Variants in CAPN2 observed in about 807,000 individuals in gnomAD.
CAPN2 encodes the protein calpain-2 catalytic subunit.
CAPN2 carries 92 observed loss-of-function variants against 102.3 expected under a neutral mutation model. The ratio of observed to expected loss-of-function variants is 0.90; its 90% CI spans 0.76 to 1.07. The LOEUF (loss-of-function observed/expected upper bound fraction) is 1.07. Ranked by LOEUF, CAPN2 falls within the 50% of genes least tolerant of loss-of-function variation. CAPN2 has a pLI of 0.00. For missense variants in CAPN2, 800 were observed against 909.4 expected (o/e 0.88, Z 1.55); for synonymous variants, 340 against 355.4 (o/e 0.96, Z 0.49).
intron 1 of CAPN2, among the ~76,000 whole-genome samples, chr1:223,706,218 G>A (rs985305329): frequency 1.3e-5 from 2 of 152,078 alleles, no homozygotes; most frequent in Non-Finnish European, 2.9e-5. Context: ...CTGTCAGCAC[G>A]TCCCATCTTT....
Position 223,702,105 on chromosome 1 carries a change from A to AAGGAAGGAAGGAAGGAAG in CAPN2, c.3+274_3+275insAGGAAGGAAGGAAGGAAG, listed in dbSNP as rs1553343526. On this transcript the variant is annotated intron_variant, in intron 1 of 20. Coordinates refer to the CAPN2 transcript ENST00000433674. ...AGGGAGGGAGGGAGGAAAGAAGGAA[A>AAGGAAGGAAGGAAGGAAG]GAAGGAAGGAAGGAAGGAAGGAAGG... 4.6e-4 allele frequency among the ~76,000 whole-genome samples: 39 copies of AAGGAAGGAAGGAAGGAAG among 84,602 alleles called. No individual in the cohort carries two copies. In the East Asian group the frequency reaches 4.7e-3, roughly 10 times the overall value. The allele number at this position is 84,602 out of a possible 152,430, so 55.5% of individuals were successfully genotyped here.
intron 3 of CAPN2, 46 bp downstream of exon 3, chr1:223,744,264 G>T (rs1415742671): frequency 1.7e-6 from 2 of 1,203,618 alleles, no homozygotes; most frequent in Non-Finnish European, 1.2e-6. Context: ...GGTCCAGGGG[G>T]CTAGGAACAG....
At chr1:223,706,062 G>A (rs906005994) in intron 1 of CAPN2, among the ~76,000 whole-genome samples, 82 of 152,346 alleles carry the variant, frequency 5.4e-4, no homozygotes, top group African/African-American at 2.0e-3. Context: ...TAGCACTGGT[G>A]GGTGAGGGGC....
chr1:223,749,144 C>T, intron 6 of CAPN2, 22 bp downstream of exon 6: 1 of 1,603,910 alleles, frequency 6.2e-7, no homozygotes, highest in Non-Finnish European at 8.5e-7. Context: ...CGCGGATGTG[C>T]AGGGGTCCTG....
In CAPN2 at chr1:223,759,184, A is replaced by G; in HGVS notation, c.1318-86A>G. 7.7e-7 allele frequency: 1 copy of G among 1,292,338 alleles called. No individual in the cohort carries two copies. Among genetic ancestry groups the G allele is most frequent in the Non-Finnish European group, 1.1e-6 (1 of 897,370 alleles). 80.1% of individuals were successfully genotyped at this position (1,292,338 alleles called of 1,614,324 possible). A position where few individuals can be genotyped will look rare whatever the true frequency, so the allele number is the denominator to read the frequency against. On this transcript the variant is annotated intron_variant, in intron 11 of 20. Coordinates refer to ENST00000295006, the MANE Select transcript of CAPN2 (RefSeq NM_001748.5). The surrounding 1 kb of genome is among the most constrained non-coding windows in gnomAD (Gnocchi z 4.6). Reference sequence around the variant, plus strand: ...GCAGGACTGAGCCACCACACTACCCAACTGCTTTTATCTCAGTGAATGAAA... The same window carrying G: ...GCAGGACTGAGCCACCACACTACCCGACTGCTTTTATCTCAGTGAATGAAA...
intron 4 of CAPN2, among the ~76,000 whole-genome samples, chr1:223,746,700 G>A (rs905128325): frequency 6.6e-6 from 1 of 152,028 alleles, no homozygotes; most frequent in Admixed American, 6.6e-5. Flanking sequence ...GGCTGGTCTT[G>A]AACTCCTGAC....
intron 7 of CAPN2, among the ~76,000 whole-genome samples, chr1:223,751,361 C>G (rs888066245): frequency 6.6e-6 from 1 of 152,234 alleles, no homozygotes; most frequent in Non-Finnish European, 1.5e-5. Flanking sequence ...AAACATCCCT[C>G]TGTTGATTTC....
At chr1:223,772,623 AT>A (rs1199543895) in intron 20 of CAPN2, 2 of 210,792 alleles carry the variant, frequency 9.5e-6, no homozygotes, top group Non-Finnish European at 1.9e-5. Flanking sequence ...AAGATCCATC[AT>A]TCTTAGAGTG....
intron 2 of CAPN2, among the ~76,000 whole-genome samples, chr1:223,732,786 AG>A (rs1660366639): frequency 6.6e-6 from 1 of 152,126 alleles, no homozygotes; most frequent in Non-Finnish European, 1.5e-5. Context: ...TTTCTTCTAC[AG>A]GTGGGGACGT....
At position 223,759,539 on chromosome 1, in the gene CAPN2, T is replaced by C; in HGVS notation, c.1529+58T>C. On this transcript the variant is annotated intron_variant, in intron 12 of 20. Transcript: ENST00000295006. The surrounding 1 kb of genome is among the most constrained non-coding windows in gnomAD (Gnocchi z 4.6). Reference sequence around the variant, plus strand: ...TTCCCTGTCCCTCCCCACTGGTCTGTTCCTCGGCCCCTAGAGGGCTCTTTC... The same window carrying C: ...TTCCCTGTCCCTCCCCACTGGTCTGCTCCTCGGCCCCTAGAGGGCTCTTTC... The C allele has an allele frequency of 6.9e-7, 1 of 1,459,566 alleles. No homozygotes were observed. Among genetic ancestry groups the C allele is most frequent in the Non-Finnish European group, 9.5e-7 (1 of 1,048,220 alleles). 90.4% of individuals were successfully genotyped at this position (1,459,566 alleles called of 1,614,324 possible).
At chr1:223,741,635 AAT>A (rs1487228654) in intron 2 of CAPN2, among the ~76,000 whole-genome samples, 2 of 151,728 alleles carry the variant, frequency 1.3e-5, no homozygotes, top group Non-Finnish European at 2.9e-5. Flanking sequence ...TTGTATTTTT[AAT>A]AGAGACGGGA....
chr1:223,725,332 A>G lies in CAPN2; in HGVS notation c.307+7501A>G, dbSNP rs1177532318. 1.3e-5 allele frequency among the ~76,000 whole-genome samples: 2 copies of G among 151,982 alleles called. No individual in the cohort carries two copies. The highest frequency in any genetic ancestry group is 3.2e-3 in the Middle Eastern group (1 of 316). ...TGAGAGGTGGAGGTTGCAGTGAGCC[A>G]TGATCGCACCACTGCACTCCATCCT... is the stretch of plus-strand genomic sequence containing the variant. On this transcript the variant is annotated intron_variant, in intron 2 of 20. Coordinates refer to ENST00000295006, the MANE Select transcript of CAPN2 (RefSeq NM_001748.5). The surrounding 1 kb of genome is among the most constrained non-coding windows in gnomAD (Gnocchi z 4.1).
chr1:223,773,697 TA>T (rs199738676), intron 20 of CAPN2, among the ~76,000 whole-genome samples: 7 of 147,496 alleles, frequency 4.7e-5, no homozygotes, highest in Non-Finnish European at 3.0e-5. Flanking sequence ...AAACTGCATC[TA>T]AAAAAAAAAT....
chr1:223,772,338 A>G, intron 20 of CAPN2, 99 bp downstream of exon 20: 3 of 1,049,890 alleles, frequency 2.9e-6, no homozygotes, highest in Non-Finnish European at 2.9e-6. Flanking sequence ...GTTTTGCTTT[A>G]AAGAGCTCTT....
chr1:223,721,239 C>G (rs991985336), intron 2 of CAPN2, among the ~76,000 whole-genome samples: 22 of 152,142 alleles, frequency 1.4e-4, no homozygotes, highest in Admixed American at 3.9e-4. Flanking sequence ...GGCTGGAGAC[C>G]CAGCTGGAGC....
upstream of CAPN2, chr1:223,712,433 C>T (rs1050402357): frequency 9.5e-5 from 105 of 1,104,278 alleles, 1 homozygote; most frequent in African/African-American, 1.6e-3. Context: ...GCAGGATGGC[C>T]TGGTCCCGGG....
intron 12 of CAPN2, among the ~76,000 whole-genome samples, chr1:223,761,067 A>G (rs922479412): frequency 1.3e-5 from 2 of 152,146 alleles, no homozygotes; most frequent in African/African-American, 2.4e-5. Flanking sequence ...TGCACTGCCC[A>G]CCTCTCCAAC....
intron 13 of CAPN2, 98 bp downstream of exon 13, chr1:223,761,715 A>G: frequency 1.0e-6 from 1 of 967,582 alleles, no homozygotes; most frequent in Admixed American, 1.9e-5. Flanking sequence ...TCACGAACAA[A>G]GCCTGAAACT....
intron 3 of CAPN2, among the ~76,000 whole-genome samples, chr1:223,744,483 TA>T (rs1171801536): frequency 6.1e-5 from 9 of 148,454 alleles, no homozygotes; most frequent in South Asian, 2.2e-4. Context: ...TTCCCAAGTT[TA>T]AAAAAAAAAA....
Sources: allele counts gnomAD v4.1 joint callset (sites outside exome capture counted in the v4.1 genomes callset), GRCh38; gene constraint gnomAD v4.1.1; non-coding constraint Gnocchi (gnomAD v3.1); transcripts MANE v1.5; gene names NCBI Gene and HGNC (gene_info 2026-07-23, HGNC 2026-07-21).